The following ATP13A3 variants were observed in gnomAD, a reference collection of about 807,000 sequenced individuals.
ATP13A3 encodes ATPase 13A3, also known as polyamine-transporting ATPase 13A3.
Under a neutral mutation model 158.1 loss-of-function variants are expected in ATP13A3, and 59 were observed. The ratio of observed to expected loss-of-function variants is 0.37; its 90% CI spans 0.30 to 0.46. The LOEUF is 0.46. Among genes scored for constraint, ATP13A3 ranks in the 20% least tolerant of loss-of-function variants. ATP13A3 has a pLI of 1.00. For missense variants in ATP13A3, 1,166 were observed against 1,525.2 expected (o/e 0.76, Z 3.92); for synonymous variants, 491 against 504.3 (o/e 0.97, Z 0.35).
At chr3:194,430,913 A>G in intron 24 of ATP13A3, 30 bp downstream of exon 24, 1 of 1,550,752 alleles carries the variant, frequency 6.4e-7, no homozygotes. Flanking sequence ...TTCATCAAAA[A>G]CCAAAACCAA....
At chr3:194,444,949 G>A (rs947874654) in intron 14 of ATP13A3, among the ~76,000 whole-genome samples, 163 bp from the exon 15 acceptor site, 1 of 152,124 alleles carries the variant, frequency 6.6e-6, no homozygotes, top group Admixed American at 6.6e-5. Context: ...ATCCCTGACA[G>A]AGAATGGCTT....
intron 20 of ATP13A3, 147 bp downstream of exon 20, chr3:194,436,948 C>T: frequency 1.8e-6 from 2 of 1,118,748 alleles, no homozygotes; most frequent in Non-Finnish European, 1.2e-6. Context: ...GGAAAATGTA[C>T]TTTTACTTCA....
At chr3:194,487,749 C>T (rs1468846370), upstream of ATP13A3, 1 of 152,280 alleles carries the variant, frequency 6.6e-6, no homozygotes, top group Non-Finnish European at 1.5e-5. Context: ...CGCGCCCGGC[C>T]ACCTGCAGCC....
rs774328551 is a variant in ATP13A3, at chr3:194,431,731, C to T, written c.2407G>A (p.Ala803Thr). 6.3e-7 allele frequency: 1 copy of T among 1,580,762 alleles called. No individual in the cohort carries two copies. ...CTTGACCTTACCTCTGGGTCAATTG[C>T]TGATGGATGACTGCACTGCGTGAGG... ...DSLTQCSHPSAIDPEAIPVKL... is the reference protein window; with the variant it reads ...DSLTQCSHPSTIDPEAIPVKL... Residue 803 changes from alanine to threonine, a missense_variant, in exon 22 of 34, where the codon GCA (alanine) becomes ACA (threonine). Ala to Thr is a moderately conservative substitution (Grantham distance 58, BLOSUM62 0). Around this residue, in one of 3 missense-constraint regions of ATP13A3, gnomAD observed 997 missense variants for 1,341.2 expected, o/e 0.74. Coordinates refer to ENST00000645319, the MANE Select transcript of ATP13A3 (RefSeq NM_001367549.1).
At chr3:194,463,261 A>C (rs1231758298) in intron 2 of ATP13A3, among the ~76,000 whole-genome samples, 1 of 150,690 alleles carries the variant, frequency 6.6e-6, no homozygotes, top group African/African-American at 2.4e-5. Flanking sequence ...CAGGGAAAAA[A>C]TTCATTGAGC....
chr3:194,454,610 T>C lies in ATP13A3; in HGVS notation c.631-218A>G, dbSNP rs369772439. 1.7e-3 allele frequency among the ~76,000 whole-genome samples: 240 copies of C among 138,312 alleles called. No individual in the cohort carries two copies. The Middle Eastern group carries it at 0.023, about 13-fold the overall frequency. 90.7% of individuals were successfully genotyped at this position (138,312 alleles called of 152,430 possible). ...TTGGGAGGCCAAGGCGGGCGGATCATGAGGTCAGGAGATCAAAACATCCTG... is the reference window on the plus strand; with the variant it reads ...TTGGGAGGCCAAGGCGGGCGGATCACGAGGTCAGGAGATCAAAACATCCTG... On this transcript the variant is annotated intron_variant, in intron 8 of 33. Transcript: ENST00000645319.
At chr3:194,466,531 T>C (rs1719999356) in intron 2 of ATP13A3, among the ~76,000 whole-genome samples, 2 of 152,166 alleles carry the variant, frequency 1.3e-5, no homozygotes, top group Non-Finnish European at 2.9e-5. Context: ...TTTTTTAAAT[T>C]AAAAAACCCA....
intron 33 of ATP13A3, among the ~76,000 whole-genome samples, chr3:194,410,955 TGTGTGTG>T (rs1303141999): frequency 6.6e-6 from 1 of 151,408 alleles, no homozygotes; most frequent in African/African-American, 2.4e-5. Flanking sequence ...TGTGTGTGTG[TGTGTGTG>T]TGTGTGTGTA....
chr3:194,492,397 C>T (rs2109097810), intron 2 of ATP13A3, among the ~76,000 whole-genome samples: 2 of 152,146 alleles, frequency 1.3e-5, no homozygotes, highest in East Asian at 3.9e-4. Context: ...TCCAAAAATA[C>T]TCAAGTTTCT....
chr3:194,433,563 C>T (rs1717403768), intron 21 of ATP13A3, among the ~76,000 whole-genome samples: 1 of 152,164 alleles, frequency 6.6e-6, no homozygotes, highest in African/African-American at 2.4e-5. Context: ...TATTCTACTA[C>T]ACTTTCTATA....
At chr3:194,460,401 A>G (rs1307748209) in intron 4 of ATP13A3, among the ~76,000 whole-genome samples, 1 of 152,198 alleles carries the variant, frequency 6.6e-6, no homozygotes, top group Non-Finnish European at 1.5e-5. Flanking sequence ...ACCGTAACAG[A>G]CAAGTAGCTA....
In ATP13A3 at chr3:194,434,946, C is replaced by A. The variant is rs145582700; in HGVS notation, c.2121-1050G>T. On this transcript the variant is annotated intron_variant, in intron 20 of 33. Coordinates refer to ENST00000645319, the MANE Select transcript of ATP13A3 (RefSeq NM_001367549.1). The stretch of plus-strand genomic sequence containing the variant: ...AAAAGAAACAAACAAAAAAAGAAAA[C>A]AAACAAAAAACACCTCAACCTACCT... 8.1e-3 allele frequency among the ~76,000 whole-genome samples: 1,225 copies of A among 152,038 alleles called. 22 individuals are homozygous for A. Among genetic ancestry groups the A allele is most frequent in the African/African-American group, 0.027 (1,129 of 41,474 alleles).
chr3:194,428,988 A>G (rs1577045224), intron 27 of ATP13A3, 71 bp from the exon 28 acceptor site: 2 of 1,048,604 alleles, frequency 1.9e-6, no homozygotes, highest in Non-Finnish European at 1.4e-6. Context: ...GGTTTTATTA[A>G]TAGTTTGGAT....
At position 194,405,066 on chromosome 3, in the gene ATP13A3, TGACA is replaced by T. The variant is rs954103085; in HGVS notation, c.*849_*852del. On this transcript the variant is annotated 3_prime_UTR_variant, in exon 34 of 34. Transcript: ENST00000645319. ...AAACCATTTAAAATAACACAAAGCC[TGACA>T]GAAACAAATTTGAAGAAACGTTAAA... 6.6e-6 allele frequency: 1 copy of T among 152,152 alleles called. No individual in the cohort carries two copies. The highest frequency in any genetic ancestry group is 1.5e-5 in the Non-Finnish European group (1 of 68,032). 9.4% of individuals were successfully genotyped at this position (152,152 alleles called of 1,614,324 possible). A position where few individuals can be genotyped will look rare whatever the true frequency, so the allele number is the denominator to read the frequency against.
intron 1 of ATP13A3, among the ~76,000 whole-genome samples, 187 bp from the exon 2 acceptor site, chr3:194,486,022 A>G (rs1032353143): frequency 6.6e-6 from 1 of 152,132 alleles, no homozygotes; most frequent in Non-Finnish European, 1.5e-5. Flanking sequence ...GAGAGACAGA[A>G]AGGCCATAGC....
intron 20 of ATP13A3, among the ~76,000 whole-genome samples, chr3:194,436,706 G>A (rs935252148): frequency 2.6e-5 from 4 of 152,252 alleles, no homozygotes; most frequent in Admixed American, 2.0e-4. Flanking sequence ...AAATTAGTCA[G>A]GTATGGCGGC....
rs1560066744 is a variant in ATP13A3 at position 194,410,320 on chromosome 3, A to AAAAC, written c.3573+1878_3573+1879insGTTT. Among the ~76,000 whole-genome samples the AAAAC allele has an allele frequency of 5.7e-4, 72 of 125,988 alleles. 6 individuals carry two copies. Among genetic ancestry groups the AAAAC allele is most frequent in the African/African-American group, 2.3e-3 (64 of 27,468 alleles). 82.7% of individuals were successfully genotyped at this position (125,988 alleles called of 152,430 possible). A position where few individuals can be genotyped will look rare whatever the true frequency, so the allele number is the denominator to read the frequency against. ...GCAAAAAAAAAAAAAAAAAAAAAAA[A>AAAAC]AAAAAAAAAAACTGCTGGGCCTGGG... is the stretch of plus-strand genomic sequence containing the variant. On this transcript the variant is annotated intron_variant, in intron 33 of 33. Coordinates refer to ENST00000645319, the MANE Select transcript of ATP13A3 (RefSeq NM_001367549.1).
rs759738857 is a variant in ATP13A3, at chr3:194,427,190, C to A, written c.3010G>T (p.Gly1004Trp). 2 of 1,613,496 alleles carry A rather than the reference C, an allele frequency of 1.2e-6. No homozygotes were observed. The highest frequency in any genetic ancestry group is 1.7e-6 in the Non-Finnish European group (2 of 1,179,902). Residue 1004 changes from glycine (G) to tryptophan (W), a missense_variant, in exon 29 of 34, where the codon GGG (glycine) becomes TGG (tryptophan). Physicochemically the swap from Gly to Trp is radical, Grantham distance 184. Transcript: ENST00000645319. ...GACAAAACGGAGAAGAGAAGGGCCC[C>A]AGATATAAGACCCGAAGGTGGTCTT... ...AQRPPSGLIS[G>W]ALLFSVLSQI...
intron 33 of ATP13A3, among the ~76,000 whole-genome samples, chr3:194,408,155 G>T (rs930477835): frequency 2.6e-5 from 4 of 151,986 alleles, no homozygotes; most frequent in African/African-American, 9.7e-5. Flanking sequence ...AAGTAGCTGG[G>T]ACTACAGGCA....
Sources: gnomAD v4.1 joint callset for allele counts (sites outside exome capture counted in the v4.1 genomes callset) on GRCh38, gnomAD v4.1.1 for gene constraint, gnomAD v4.1.1 regional missense constraint, MANE v1.5 for transcripts, NCBI Gene and HGNC (gene_info 2026-07-23, HGNC 2026-07-21) for gene names.